The following EMILIN1 variants were observed in gnomAD, a reference collection of about 807,000 sequenced individuals.
The protein encoded by EMILIN1 is EMILIN-1.
In EMILIN1, 49 loss-of-function variants were observed where a neutral mutation model predicts 82.4. The observed-to-expected ratio is 0.59, with a 90% CI of 0.47 to 0.75. The LOEUF (loss-of-function observed/expected upper bound fraction) is 0.75. EMILIN1 is among the 30% of genes least tolerant of loss of function. EMILIN1 has a pLI of 0.00. For synonymous variants in EMILIN1, 604 were observed against 602.2 expected, an observed-to-expected ratio of 1.00 and a Z score of -0.04; for missense variants, 1,313 against 1,366.4, an observed-to-expected ratio of 0.96 and a Z score of 0.62.
intron 3 of EMILIN1, among the ~76,000 whole-genome samples, 156 bp downstream of exon 3, chr2:27,081,108 C>CGTGTGTGTGTGTGTGT (rs56048649): frequency 2.8e-5 from 4 of 142,656 alleles, no homozygotes; most frequent in African/African-American, 7.8e-5. Context: ...ATTCCCTGCC[C>CGTGTGTGTGTGTGTGT]GTGTGTGTGT....
At position 27,081,880 on chromosome 2, in the gene EMILIN1, G is replaced by A. The variant is rs537031200; in HGVS notation, c.512-203G>A. On this transcript the variant is annotated intron_variant, in intron 3 of 7. Transcript: ENST00000380320. ...AAGAGTTCATGGTATCTCCCCAGGG[G>A]AGTTATTGAAGAACAGAGCCATGGT... 8.6e-4 allele frequency among the ~76,000 whole-genome samples: 131 copies of A among 152,346 alleles called. 1 individual carries two copies. The highest frequency in any genetic ancestry group is 3.0e-3 in the African/African-American group (126 of 41,570).
Position 27,079,047 on chromosome 2 carries a change from C to G in EMILIN1, c.-19C>G. 2 of 1,528,702 alleles carry G rather than the reference C, an allele frequency of 1.3e-6. No individual in the cohort carries two copies. Among genetic ancestry groups the G allele is most frequent in the Non-Finnish European group, 1.7e-6 (2 of 1,143,144 alleles). 94.7% of individuals were successfully genotyped at this position (1,528,702 alleles called of 1,614,324 possible). A position where few individuals can be genotyped will look rare whatever the true frequency, so the allele number is the denominator to read the frequency against. The stretch of plus-strand genomic sequence containing the variant: ...CTGGGCGGGATGAGTCTCTGAGGGC[C>G]ACTGTGGAGCGCCCCGCCATGGCCC... On this transcript the variant is annotated 5_prime_UTR_variant, in exon 1 of 8. Transcript: ENST00000380320.
At position 27,080,167 on chromosome 2, in the gene EMILIN1, G is replaced by C. The variant is rs762850615; in HGVS notation, c.187G>C (p.Val63Leu). The change falls in exon 2 of 8, where the codon GTG (valine) becomes CTG (leucine). Residue 63 changes from valine to leucine, a missense_variant. Coordinates refer to ENST00000380320, the MANE Select transcript of EMILIN1 (RefSeq NM_007046.4). ...TACCTACAGGAACTGGTGTGCCTAC[G>C]TGGTGACCCGGACAGTGAGCTGTGT... Reference protein sequence around the residue: ...ASRHRNWCAYVVTRTVSCVLE... With the variant: ...ASRHRNWCAYLVTRTVSCVLE... The C allele has an allele frequency of 1.2e-6, 2 of 1,613,942 alleles. No individual in the cohort carries two copies. The highest frequency in any genetic ancestry group is 1.3e-5 in the African/African-American group (1 of 74,944).
In EMILIN1 at chr2:27,086,175, C is replaced by A; in HGVS notation, c.*160C>A. On this transcript the variant is annotated 3_prime_UTR_variant, in exon 8 of 8. Transcript: ENST00000380320. Reference sequence around the variant, plus strand: ...GAGCGGCCTCTCCCCACGCCCGGGGCGCGCCGGCTCAGGGAGGCTCGGGGC... The same window carrying A: ...GAGCGGCCTCTCCCCACGCCCGGGGAGCGCCGGCTCAGGGAGGCTCGGGGC... 1 of 465,568 alleles carries A rather than the reference C, an allele frequency of 2.1e-6. No individual in the cohort carries two copies. Among genetic ancestry groups the A allele is most frequent in the East Asian group, 3.6e-5 (1 of 27,534 alleles). 28.8% of individuals were successfully genotyped at this position (465,568 alleles called of 1,614,324 possible).
In EMILIN1 at chr2:27,083,778, G is replaced by C; in HGVS notation, c.2207G>C (p.Arg736Pro). The C allele has an allele frequency of 6.2e-7, 1 of 1,607,110 alleles. No individual in the cohort carries two copies. The highest frequency in any genetic ancestry group is 8.5e-7 in the Non-Finnish European group (1 of 1,174,238). Residue 736 changes from arginine (R) to proline (P), a missense_variant, in exon 4 of 8, where the codon CGG becomes CCG. Physicochemically the swap from Arg to Pro is moderately radical, Grantham distance 103 (BLOSUM62 -2). Transcript: ENST00000380320. ...RLGRLEGVCE[R>P]LDTVAGGLQG... ...GGCCGTCTTGAGGGTGTCTGTGAAC[G>C]GTTGGACACTGTGGCTGGGGGACTG...
intron 3 of EMILIN1, among the ~76,000 whole-genome samples, chr2:27,081,565 A>G (rs983828861): frequency 4.0e-5 from 6 of 151,888 alleles, no homozygotes; most frequent in African/African-American, 1.5e-4. Flanking sequence ...GTGGTGTTGC[A>G]GGGAAGTGTC....
At position 27,085,222 on chromosome 2, in the gene EMILIN1, C is replaced by T. The variant is rs1442407278; in HGVS notation, c.2638C>T (p.Pro880Ser). The T allele has an allele frequency of 3.1e-6, 5 of 1,614,162 alleles. No homozygotes were observed. The highest frequency in any genetic ancestry group is 1.1e-5 in the South Asian group (1 of 91,088). ...GGCATTTTCAGCTGCTCTGAGTTTGCCCCGGTCTGAACCAGGCACGGTCCC... is the reference window on the plus strand; with the variant it reads ...GGCATTTTCAGCTGCTCTGAGTTTGTCCCGGTCTGAACCAGGCACGGTCCC... The part of the protein sequence containing the change: ...QVAFSAALSL[P>S]RSEPGTVPFD... The change falls in exon 7 of 8, where the codon CCC (proline) becomes TCC (serine). Residue 880 changes from proline to serine, a missense_variant. Pro to Ser is a moderately conservative substitution (Grantham distance 74). Transcript: ENST00000380320.
intron 1 of EMILIN1, among the ~76,000 whole-genome samples, chr2:27,079,633 GAC>G (rs1432816559): frequency 6.6e-6 from 1 of 152,242 alleles, no homozygotes; most frequent in East Asian, 1.9e-4. Flanking sequence ...CCTCCAGCCA[GAC>G]ACAGATCAGA....
Position 27,083,671 on chromosome 2 carries a change from T to C in EMILIN1, c.2100T>C (p.Ala700=). The C allele has an allele frequency of 6.2e-7, 1 of 1,613,812 alleles. No individual in the cohort carries two copies. The highest frequency in any genetic ancestry group is 8.5e-7 in the Non-Finnish European group (1 of 1,179,772). ...TGCAGCAGGAGGCCACAGAGCATGC[T>C]ACAGAGAGTGAAGAGCGCTTCCGAG... The part of the protein sequence containing the change: ...NRLQQEATEH[A]TESEERFRGL... Residue 700 remains alanine (A), a synonymous_variant, in exon 4 of 8, where the codon GCT becomes GCC. Coordinates refer to ENST00000380320, the MANE Select transcript of EMILIN1 (RefSeq NM_007046.4).
Position 27,083,730 on chromosome 2 carries a change from G to A in EMILIN1, c.2159G>A (p.Cys720Tyr), listed in dbSNP as rs759191685. ...LEEGQAQAGQCPSLEGRLGRL... is the reference protein window; with the variant it reads ...LEEGQAQAGQYPSLEGRLGRL... ...GAGGGACAAGCACAGGCCGGCCAGT[G>A]CCCCAGCTTAGAGGGGCGATTGGGC... Residue 720 changes from cysteine (C) to tyrosine (Y), a missense_variant, in exon 4 of 8, where the codon TGC becomes TAC. Cys to Tyr is a radical substitution (Grantham distance 194). Transcript: ENST00000380320. 1 of 1,613,662 alleles carries A rather than the reference G, an allele frequency of 6.2e-7. No homozygotes were observed. Among genetic ancestry groups the A allele is most frequent in the Non-Finnish European group, 8.5e-7 (1 of 1,179,698 alleles).
At chr2:27,080,128 C>T in intron 1 of EMILIN1, 23 bp from the exon 2 acceptor site, 2 of 1,613,276 alleles carry the variant, frequency 1.2e-6, no homozygotes, top group Non-Finnish European at 1.7e-6. Context: ...GGTCCTTGGA[C>T]CCAGAGGGGG....
rs1353769816 is a variant in EMILIN1, at chr2:27,078,864, G to T, written c.-202G>T. The T allele has an allele frequency of 4.0e-6, 2 of 500,574 alleles. No homozygotes were observed. Among genetic ancestry groups the T allele is most frequent in the Non-Finnish European group, 7.0e-6 (2 of 285,180 alleles). The allele number at this position is 500,574 out of a possible 1,614,324, so 31.0% of individuals were successfully genotyped here. A position where few individuals can be genotyped will look rare whatever the true frequency, so the allele number is the denominator to read the frequency against. The stretch of plus-strand genomic sequence containing the variant: ...GAAGGAACCGAGAGGGGACGGACAG[G>T]AGCTGAGGAGGAAAGAGGAGGGGAG... On this transcript the variant is annotated 5_prime_UTR_variant, in exon 1 of 8. Coordinates refer to ENST00000380320, the MANE Select transcript of EMILIN1 (RefSeq NM_007046.4).
rs377504999 is a variant in EMILIN1, at chr2:27,085,418, G to A, written c.2713+121G>A. 21 of 1,258,130 alleles carry A rather than the reference G, an allele frequency of 1.7e-5. No homozygotes were observed. The Admixed American group carries it at 3.5e-4, about 21-fold the overall frequency. The allele number at this position is 1,258,130 out of a possible 1,614,324, so 77.9% of individuals were successfully genotyped here. On this transcript the variant is annotated intron_variant, in intron 7 of 7. Coordinates refer to ENST00000380320, the MANE Select transcript of EMILIN1 (RefSeq NM_007046.4). Reference sequence around the variant, plus strand: ...TCATTCTCTGATTTGGGGAGACCCCGGCTCTTTCTTCATTTATTCATTCTC... The same window carrying A: ...TCATTCTCTGATTTGGGGAGACCCCAGCTCTTTCTTCATTTATTCATTCTC...
Position 27,086,180 on chromosome 2 carries a change from CG to C in EMILIN1, c.*167del. The C allele has an allele frequency of 2.2e-6, 1 of 451,184 alleles. No homozygotes were observed. The highest frequency in any genetic ancestry group is 1.0e-4 in the South Asian group (1 of 9,588). The allele number at this position is 451,184 out of a possible 1,614,324, so 27.9% of individuals were successfully genotyped here. A position where few individuals can be genotyped will look rare whatever the true frequency, so the allele number is the denominator to read the frequency against. On this transcript the variant is annotated 3_prime_UTR_variant, in exon 8 of 8. Transcript: ENST00000380320. ...GCCTCTCCCCACGCCCGGGGCGCGCCGGCTCAGGGAGGCTCGGGGCCGCCCA... is the reference window on the plus strand; with the variant it reads ...GCCTCTCCCCACGCCCGGGGCGCGCCGCTCAGGGAGGCTCGGGGCCGCCCA...
chr2:27,080,538 G>A (rs139159283), intron 2 of EMILIN1, among the ~76,000 whole-genome samples, 194 bp from the exon 3 acceptor site: 1 of 152,312 alleles, frequency 6.6e-6, no homozygotes, highest in East Asian at 1.9e-4. Context: ...GGCAAGGGAA[G>A]GAAGAGCAGG....
chr2:27,083,929 G>C lies in EMILIN1; in HGVS notation c.2358G>C (p.Leu786=). 1.3e-6 allele frequency: 2 copies of C among 1,599,480 alleles called. No individual in the cohort carries two copies. The highest frequency in any genetic ancestry group is 1.7e-6 in the Non-Finnish European group (2 of 1,171,686). Residue 786 remains leucine, a synonymous_variant, in exon 4 of 8, where the codon CTG becomes CTC. Coordinates refer to ENST00000380320, the MANE Select transcript of EMILIN1 (RefSeq NM_007046.4). ...AGCTGGTCGGGGGACAGGCGGGCCT[G>C]GGCAGGCGGCTGGGTGCCCTTAACA... The part of the protein sequence containing the change: ...LEKLVGGQAG[L]GRRLGALNSS...
intron 3 of EMILIN1, among the ~76,000 whole-genome samples, chr2:27,081,566 G>A (rs909676473): frequency 5.3e-5 from 8 of 151,992 alleles, no homozygotes; most frequent in Non-Finnish European, 1.2e-4. Context: ...TGGTGTTGCA[G>A]GGAAGTGTCA....
Position 27,085,782 on chromosome 2 carries a change from G to A in EMILIN1, c.2818G>A (p.Val940Met). The change falls in exon 8 of 8, where the codon GTG (valine) becomes ATG (methionine). Residue 940 changes from valine to methionine, a missense_variant. Coordinates refer to ENST00000380320, the MANE Select transcript of EMILIN1 (RefSeq NM_007046.4). ...CGTGCTGTCCCGCTCCAACCAGGGC[G>A]TGGCCCGCGTAGACTCCGGTGGCTA... ...EAVLSRSNQGVARVDSGGYEP... is the reference protein window; with the variant it reads ...EAVLSRSNQGMARVDSGGYEP... 6.2e-7 allele frequency: 1 copy of A among 1,612,702 alleles called. No homozygotes were observed. Among genetic ancestry groups the A allele is most frequent in the South Asian group, 1.1e-5 (1 of 91,088 alleles).
Position 27,085,973 on chromosome 2 carries a change from C to G in EMILIN1, c.3009C>G (p.Ser1003Arg). ...AHSEEPLTIF[S>R]GALLYGDPEL... is the part of the protein sequence containing the mutation. ...CGGAGGAGCCGCTCACCATCTTCAG[C>G]GGGGCCCTGCTCTATGGGGACCCAG... The change falls in exon 8 of 8, where the codon AGC (serine) becomes AGG (arginine). Residue 1003 changes from serine (S) to arginine (R), a missense_variant. Physicochemically the swap from Ser to Arg is moderately radical, Grantham distance 110. Coordinates refer to ENST00000380320, the MANE Select transcript of EMILIN1 (RefSeq NM_007046.4). 1 of 1,497,388 alleles carries G rather than the reference C, an allele frequency of 6.7e-7. No homozygotes were observed. The highest frequency in any genetic ancestry group is 9.0e-7 in the Non-Finnish European group (1 of 1,115,138). 92.8% of individuals were successfully genotyped at this position (1,497,388 alleles called of 1,614,324 possible).
Sources: allele counts gnomAD v4.1 joint callset (sites outside exome capture counted in the v4.1 genomes callset), GRCh38; gene constraint gnomAD v4.1.1; transcripts MANE v1.5; gene names NCBI Gene and HGNC (gene_info 2026-07-23, HGNC 2026-07-21).